AGBL1: variants seen among roughly 807,000 people sequenced by gnomAD.
The protein encoded by AGBL1 is cytosolic carboxypeptidase 4.
AGBL1 carries 130 observed loss-of-function variants against 118.9 expected under a neutral mutation model. The observed-to-expected ratio is 1.09, with a 90% CI of 0.95 to 1.26. AGBL1 has a LOEUF of 1.26. AGBL1 is among the 50% of genes most tolerant of loss of function. AGBL1 has a pLI of 0.00. For missense variants in AGBL1, 1,584 were observed against 1,298.1 expected, an observed-to-expected ratio of 1.22 and a Z score of -3.38; for synonymous variants, 555 against 478.9, an observed-to-expected ratio of 1.16 and a Z score of -2.08.
intron 17 of AGBL1, among the ~76,000 whole-genome samples, chr15:86,324,055 T>C (rs1597729704): frequency 6.6e-6 from 1 of 152,134 alleles, no homozygotes; most frequent in East Asian, 1.9e-4. Flanking sequence ...TAAGAAAAAA[T>C]AGAGTCATAA....
At position 86,978,239 on chromosome 15, in the gene AGBL1, A is replaced by C. The variant is rs12440089; in HGVS notation, c.3222-9748A>C. On this transcript the variant is annotated intron_variant, in intron 23 of 24. Transcript: ENST00000441037. ...ATACAGACTTGCAACAAGACTAAAA[A>C]AAGAATACACTAAGGTTCAGAGAAT... Among the ~76,000 whole-genome samples, 673 of 152,306 alleles carry C rather than the reference A, an allele frequency of 4.4e-3. 19 individuals are homozygous for C. Among genetic ancestry groups the C allele is most frequent in the Admixed American group, 0.038 (587 of 15,294 alleles).
chr15:86,173,912 C>T (rs2077447971), intron 5 of AGBL1, among the ~76,000 whole-genome samples: 1 of 151,958 alleles, frequency 6.6e-6, no homozygotes, highest in African/African-American at 2.4e-5. Context: ...CTTAGGATTG[C>T]TTCGGCTATT....
At chr15:86,932,662 T>G (rs1282595377) in intron 23 of AGBL1, among the ~76,000 whole-genome samples, 2 of 151,762 alleles carry the variant, frequency 1.3e-5, no homozygotes, top group African/African-American at 4.8e-5. Flanking sequence ...TTGTATTTTT[T>G]TCCAAAATCG....
At position 86,960,283 on chromosome 15, in the gene AGBL1, C is replaced by G. The variant is rs146581824; in HGVS notation, c.3222-27704C>G. Among the ~76,000 whole-genome samples, 3 of 152,132 alleles carry G rather than the reference C, an allele frequency of 2.0e-5. No homozygotes were observed. The East Asian group carries it at 5.8e-4, about 30-fold the overall frequency. On this transcript the variant is annotated intron_variant, in intron 23 of 24. Coordinates refer to the AGBL1 transcript ENST00000441037. ...ATCTTATACCCATTCAAGCTCTTAT[C>G]ACTCTATTTTATAGCTTTTCTTTCC...
At chr15:86,645,922 A>T (rs141149009) in intron 21 of AGBL1, among the ~76,000 whole-genome samples, 1 of 152,194 alleles carries the variant, frequency 6.6e-6, no homozygotes, top group Non-Finnish European at 1.5e-5. Flanking sequence ...AAAAGCCTCA[A>T]ATTCCTCAGC....
At position 86,234,114 on chromosome 15, in the gene AGBL1, G is replaced by A. The variant is rs184185308; in HGVS notation, c.526+9163G>A. 4.4e-4 allele frequency among the ~76,000 whole-genome samples: 67 copies of A among 152,156 alleles called. 1 individual carries two copies. The highest frequency in any genetic ancestry group is 4.1e-3 in the Admixed American group (62 of 15,280). On this transcript the variant is annotated intron_variant, in intron 6 of 22. Coordinates refer to ENST00000614907, the MANE Select transcript of AGBL1 (RefSeq NM_001386094.1). ...GTCAAGACTTAGTTCTATCTCAAGG[G>A]CTATTCCTCTGTCCTGTGTATCTGC...
intron 22 of AGBL1, among the ~76,000 whole-genome samples, chr15:86,770,478 T>G (rs1403006284): frequency 2.0e-5 from 3 of 151,948 alleles, no homozygotes; most frequent in Admixed American, 1.3e-4. Context: ...ACAGAATTAT[T>G]TGGTCCAAAA....
chr15:86,352,944 T>C (rs180717111), intron 17 of AGBL1, among the ~76,000 whole-genome samples: 2 of 152,350 alleles, frequency 1.3e-5, no homozygotes, highest in African/African-American at 2.4e-5. Context: ...ATGCTTTGGA[T>C]TGTGTTCTAC....
intron 23 of AGBL1, among the ~76,000 whole-genome samples, chr15:86,962,297 C>A (rs2081000469): frequency 6.6e-6 from 1 of 151,996 alleles, no homozygotes; most frequent in East Asian, 1.9e-4. Context: ...GGTGGAGAGA[C>A]ATAAGAGACT....
chr15:86,949,952 G>A (rs994201272), intron 23 of AGBL1, among the ~76,000 whole-genome samples: 4 of 151,982 alleles, frequency 2.6e-5, no homozygotes, highest in South Asian at 2.1e-4. Flanking sequence ...TGTAGAGTAC[G>A]TTCTCTGATT....
At chr15:86,521,469 A>G (rs548433838) in intron 18 of AGBL1, among the ~76,000 whole-genome samples, 13 of 152,168 alleles carry the variant, frequency 8.5e-5, no homozygotes, top group Non-Finnish European at 1.9e-4. Context: ...TGGGAAGTCA[A>G]GAGAAATAAA....
At chr15:86,518,108 C>T (rs2083144237) in intron 18 of AGBL1, among the ~76,000 whole-genome samples, 1 of 152,146 alleles carries the variant, frequency 6.6e-6, no homozygotes, top group Non-Finnish European at 1.5e-5. Flanking sequence ...CTCTGTTTTT[C>T]AGTCATGGAC....
At chr15:86,259,017 T>G (rs533637264) in intron 9 of AGBL1, among the ~76,000 whole-genome samples, 1 of 152,346 alleles carries the variant, frequency 6.6e-6, no homozygotes, top group East Asian at 1.9e-4. Flanking sequence ...CAAGCAGTCT[T>G]TGTTTACAAA....
intron 22 of AGBL1, among the ~76,000 whole-genome samples, chr15:86,678,950 G>A (rs2085899094): frequency 6.6e-6 from 1 of 151,978 alleles, no homozygotes; most frequent in Non-Finnish European, 1.5e-5. Flanking sequence ...TGTTCCATTA[G>A]TCTGCCTGCC....
intron 5 of AGBL1, among the ~76,000 whole-genome samples, chr15:86,212,640 T>C (rs1454892669): frequency 6.6e-6 from 1 of 152,128 alleles, no homozygotes; most frequent in African/African-American, 2.4e-5. Context: ...GAAGTGGGAT[T>C]GACAGTTATT....
intron 17 of AGBL1, among the ~76,000 whole-genome samples, chr15:86,345,280 T>C (rs1309796526): frequency 6.6e-6 from 1 of 152,112 alleles, no homozygotes; most frequent in Non-Finnish European, 1.5e-5. Context: ...CTCTGTGCTC[T>C]TTTTCAGGAG....
intron 6 of AGBL1, among the ~76,000 whole-genome samples, chr15:86,241,996 C>T (rs1466186520): frequency 1.3e-5 from 2 of 152,112 alleles, no homozygotes; most frequent in African/African-American, 4.8e-5. Flanking sequence ...GGGTCTTTCC[C>T]ATGCTGTTCT....
chr15:86,324,259 T>C (rs866128060), intron 17 of AGBL1, among the ~76,000 whole-genome samples: 6 of 152,040 alleles, frequency 3.9e-5, no homozygotes, highest in Non-Finnish European at 7.4e-5. Context: ...AGAAGCAAAT[T>C]AGAGATGAAG....
chr15:86,506,338 T>C (rs1201918091), intron 18 of AGBL1, among the ~76,000 whole-genome samples: 1 of 152,044 alleles, frequency 6.6e-6, no homozygotes, highest in Non-Finnish European at 1.5e-5. Flanking sequence ...CCCCTCACCT[T>C]TTAGTTTTAA....
Sources: gnomAD v4.1 joint callset for allele counts (sites outside exome capture counted in the v4.1 genomes callset) on GRCh38, gnomAD v4.1.1 for gene constraint, MANE v1.5 for transcripts, NCBI Gene and HGNC (gene_info 2026-07-23, HGNC 2026-07-21) for gene names.